The following MCM7 variants were observed in gnomAD, a reference collection of about 807,000 sequenced individuals.
The protein encoded by MCM7 is DNA replication licensing factor MCM7.
MCM7 carries 95 observed loss-of-function variants against 83.5 expected under a neutral mutation model. The observed-to-expected ratio is 1.14, with a 90% CI of 0.96 to 1.35. The LOEUF (loss-of-function observed/expected upper bound fraction) is 1.35, where lower values mean the gene tolerates loss of function less well. MCM7 is among the 40% of genes most tolerant of loss of function. MCM7 has a pLI of 0.00. For missense variants in MCM7, 1,087 were observed against 957.4 expected, an observed-to-expected ratio of 1.14 and a Z score of -1.79; for synonymous variants, 461 against 352.7, an observed-to-expected ratio of 1.31 and a Z score of -3.44.
chr7:100,097,057 C>G (rs1353074677), intron 10 of MCM7, among the ~76,000 whole-genome samples: 3 of 152,128 alleles, frequency 2.0e-5, no homozygotes, highest in African/African-American at 7.2e-5. Context: ...ACCGAGATAG[C>G]GCCACTGCAC....
intron 1 of MCM7, chr7:100,100,932 G>T: frequency 9.8e-7 from 1 of 1,020,000 alleles, no homozygotes; most frequent in Non-Finnish European, 1.2e-6. Context: ...AAGCGGGCAC[G>T]GGAGCCCAGA....
At position 100,099,625 on chromosome 7, in the gene MCM7, G is replaced by A. The variant is rs142833442; in HGVS notation, c.240C>T (p.Ala80=). ...ARRYAKLFAD[A]VQELLPQYKE... is the part of the protein sequence containing the mutation. ...TGTACTGAGGCAGCAGCTCTTGTAC[G>A]GCATCAGCAAAGAGCTTCGCGTAGC... The change falls in exon 3 of 15, where the codon GCC becomes GCT. Residue 80 remains alanine (A), a synonymous_variant. Coordinates refer to ENST00000303887, the MANE Select transcript of MCM7 (RefSeq NM_005916.5). The A allele has an allele frequency of 4.3e-6, 7 of 1,613,902 alleles. No homozygotes were observed. Among genetic ancestry groups the A allele is most frequent in the East Asian group, 2.2e-5 (1 of 44,896 alleles).
At chr7:100,098,053 G>A in intron 7 of MCM7, 88 bp downstream of exon 7, 3 of 1,581,006 alleles carry the variant, frequency 1.9e-6, no homozygotes, top group Non-Finnish European at 2.6e-6. Context: ...TTTTGTTTGG[G>A]GTTTTGCTGC....
At position 100,093,127 on chromosome 7, in the gene MCM7, C is replaced by T. The variant is rs192727443; in HGVS notation, c.1965G>A (p.Gln655=). Residue 655 remains glutamine, a synonymous_variant, in exon 15 of 15, where the codon CAG becomes CAA. Coordinates refer to ENST00000303887, the MANE Select transcript of MCM7 (RefSeq NM_005916.5). ...TGGCAAATATCACATCTGCTGGTCT[C>T]TGAGTCCTGAAGGAAATGAGTGGGT... ...LGDKGQTART[Q]RPADVIFATV... 2 of 1,613,800 alleles carry T rather than the reference C, an allele frequency of 1.2e-6. No homozygotes were observed. Among genetic ancestry groups the T allele is most frequent in the Non-Finnish European group, 1.7e-6 (2 of 1,179,832 alleles).
chr7:100,092,811 GGAGT>G lies in MCM7; in HGVS notation c.*117_*120del. ...TCTACAAACACTTTTATTAGCAAAAGGAGTAAGTGCAGCATGGGAGAAAGAGGGG... is the reference window on the plus strand; with the variant it reads ...TCTACAAACACTTTTATTAGCAAAAGAAGTGCAGCATGGGAGAAAGAGGGG... On this transcript the variant is annotated 3_prime_UTR_variant, in exon 15 of 15. Coordinates refer to ENST00000303887, the MANE Select transcript of MCM7 (RefSeq NM_005916.5). 1.0e-6 allele frequency: 1 copy of G among 993,642 alleles called. No individual in the cohort carries two copies. Among genetic ancestry groups the G allele is most frequent in the South Asian group, 1.5e-5 (1 of 66,542 alleles). 61.6% of individuals were successfully genotyped at this position (993,642 alleles called of 1,614,324 possible). A position where few individuals can be genotyped will look rare whatever the true frequency, so the allele number is the denominator to read the frequency against.
At chr7:100,100,670 G>C in intron 1 of MCM7, 3 of 990,078 alleles carry the variant, frequency 3.0e-6, no homozygotes, top group South Asian at 4.5e-5. Flanking sequence ...TCCCGGGCCC[G>C]AGCGAAGCTC....
In MCM7 at chr7:100,095,419, G is replaced by A. The variant is rs1339783350; in HGVS notation, c.1647C>T (p.Ser549=). Residue 549 remains serine, a synonymous_variant, in exon 12 of 15, where the codon TCC becomes TCT. Coordinates refer to ENST00000303887, the MANE Select transcript of MCM7 (RefSeq NM_005916.5). ...GCTTCATGTCCAGAGGTTCAAACTG[G>A]GAGGGGGGCTGCCGGCTGTGCTGGT... ...YVHQHSRQPP[S]QFEPLDMKLM... 1.9e-6 allele frequency: 3 copies of A among 1,613,998 alleles called. No individual in the cohort carries two copies. The highest frequency in any genetic ancestry group is 1.7e-5 in the Admixed American group (1 of 59,990).
rs1223329446 is a variant in MCM7 at position 100,095,463 on chromosome 7, G to C, written c.1603C>G (p.Gln535Glu). 2 of 1,614,004 alleles carry C rather than the reference G, an allele frequency of 1.2e-6. No homozygotes were observed. Among genetic ancestry groups the C allele is most frequent in the Non-Finnish European group, 1.7e-6 (2 of 1,179,958 alleles). The change falls in exon 12 of 15, where the codon CAG becomes GAG. Residue 535 changes from glutamine (Q) to glutamate (E), a missense_variant. By Grantham distance (29) the Gln-to-Glu change is conservative. Transcript: ENST00000303887. ...TGCTGGTGCACATAGGTGATGTGCTGGGCCAACCTGGACAGAGGGAAGGTT... is the reference window on the plus strand; with the variant it reads ...TGCTGGTGCACATAGGTGATGTGCTCGGCCAACCTGGACAGAGGGAAGGTT... ...PDRDNDLRLA[Q>E]HITYVHQHSR...
intron 12 of MCM7, among the ~76,000 whole-genome samples, chr7:100,094,710 A>T (rs1795525051): frequency 6.6e-6 from 1 of 152,194 alleles, no homozygotes; most frequent in African/African-American, 2.4e-5. Context: ...GGGAGTAAAA[A>T]CCGGAAAGAA....
At chr7:100,093,156 T>C (rs753336087) in intron 14 of MCM7, 23 bp from the exon 15 acceptor site, 2 of 1,611,878 alleles carry the variant, frequency 1.2e-6, no homozygotes, top group South Asian at 1.1e-5. Flanking sequence ...AGTGGGTGTG[T>C]AAGGTCAGGA....
Position 100,093,010 on chromosome 7 carries a change from G to T in MCM7, c.2082C>A (p.Phe694Leu). Reference sequence around the variant, plus strand: ...CCTCATATTCATCCAGAGCCGCCTGGAACTGGGCGGGTGTGAAGCCACGAG... The same window carrying T: ...CCTCATATTCATCCAGAGCCGCCTGTAACTGGGCGGGTGTGAAGCCACGAG... The part of the protein sequence containing the change: ...CVSRGFTPAQ[F>L]QAALDEYEEL... Residue 694 changes from phenylalanine to leucine, a missense_variant, in exon 15 of 15, where the codon TTC (phenylalanine) becomes TTA (leucine). By Grantham distance (22) the Phe-to-Leu change is conservative. Transcript: ENST00000303887. The T allele has an allele frequency of 6.2e-7, 1 of 1,614,222 alleles. No homozygotes were observed.
intron 14 of MCM7, 44 bp from the exon 15 acceptor site, chr7:100,093,177 A>C: frequency 5.0e-6 from 8 of 1,605,486 alleles, no homozygotes; most frequent in Non-Finnish European, 6.0e-6. Flanking sequence ...TACAAACAGG[A>C]ATGCTCGACA....
In MCM7 at chr7:100,096,168, C is replaced by G. The variant is rs1166371605; in HGVS notation, c.1202-1G>C. 6.4e-7 allele frequency: 1 copy of G among 1,559,746 alleles called. No homozygotes were observed. Among genetic ancestry groups the G allele is most frequent in the African/African-American group, 1.4e-5 (1 of 72,612 alleles). On this transcript the variant is annotated splice_acceptor_variant, in intron 10 of 14. Transcript: ENST00000303887. LOFTEE classifies it high-confidence loss of function. ...GAGCCCCGGCCTGTTGTGTACTGGC[C>G]TGGAAGAGAAGAAATAAGGAACCAT...
In MCM7 at chr7:100,098,904, A is replaced by G; in HGVS notation, c.582+119T>C. Reference sequence around the variant, plus strand: ...AAGACCACTACATACCCAAGAATGAAAGGCGAACACACAGGCAACTTTTAC... The same window carrying G: ...AAGACCACTACATACCCAAGAATGAGAGGCGAACACACAGGCAACTTTTAC... On this transcript the variant is annotated intron_variant, in intron 5 of 14. Transcript: ENST00000303887. 4 of 1,427,932 alleles carry G rather than the reference A, an allele frequency of 2.8e-6. No homozygotes were observed. In the South Asian group the frequency reaches 5.2e-5, roughly 19 times the overall value. 88.5% of individuals were successfully genotyped at this position (1,427,932 alleles called of 1,614,324 possible).
intron 2 of MCM7, 67 bp from the exon 3 acceptor site, chr7:100,099,820 G>A (rs1327564633): frequency 6.3e-7 from 1 of 1,586,466 alleles, no homozygotes; most frequent in African/African-American, 1.3e-5. Flanking sequence ...GTTCATATGT[G>A]AAAATGCATC....
chr7:100,101,154 G>C, intron 1 of MCM7, 110 bp downstream of exon 1: 1 of 1,376,944 alleles, frequency 7.3e-7, no homozygotes, highest in Non-Finnish European at 1.0e-6. Flanking sequence ...CTGGCCTCGC[G>C]CACCCCAGAA....
chr7:100,099,529 CCT>C (rs1795830299), intron 3 of MCM7, 58 bp downstream of exon 3: 1 of 1,598,054 alleles, frequency 6.3e-7, no homozygotes, highest in Non-Finnish European at 8.5e-7. Flanking sequence ...ATCTGAGCAG[CCT>C]CTCTACAGAA....
chr7:100,099,005 T>G lies in MCM7; in HGVS notation c.582+18A>C. On this transcript the variant is annotated intron_variant, in intron 5 of 14. Coordinates refer to ENST00000303887, the MANE Select transcript of MCM7 (RefSeq NM_005916.5). Reference sequence around the variant, plus strand: ...AACTAATGGGTAAGTGCTTTCCTGCTTCTTGCTCCACACGTACCGGCTGGT... The same window carrying G: ...AACTAATGGGTAAGTGCTTTCCTGCGTCTTGCTCCACACGTACCGGCTGGT... The G allele has an allele frequency of 6.2e-7, 1 of 1,613,480 alleles. No individual in the cohort carries two copies. Among genetic ancestry groups the G allele is most frequent in the Non-Finnish European group, 8.5e-7 (1 of 1,179,412 alleles).
rs764562996 is a variant in MCM7, at chr7:100,101,247, G to C, written c.31+17C>G. 5.0e-6 allele frequency: 8 copies of C among 1,613,034 alleles called. No homozygotes were observed. Among genetic ancestry groups the C allele is most frequent in the Non-Finnish European group, 6.8e-6 (8 of 1,179,860 alleles). ...GCTCCCCGCGCAGGACGCCCTCCCG[G>C]GCTCGTAGACCCGTACCCTTCTCTA... On this transcript the variant is annotated intron_variant, in intron 1 of 14. Transcript: ENST00000303887.
Sources: allele counts gnomAD v4.1 joint callset (sites outside exome capture counted in the v4.1 genomes callset), GRCh38; gene constraint gnomAD v4.1.1; transcripts MANE v1.5; gene names NCBI Gene and HGNC (gene_info 2026-07-23, HGNC 2026-07-21).